The following KCNK9 variants were observed in gnomAD, a reference collection of about 807,000 sequenced individuals.
The protein encoded by KCNK9 is potassium two pore domain channel subfamily K member 9.
A neutral mutation model predicts 10.8 loss-of-function variants in KCNK9; 1 was observed. The observed-to-expected ratio is 0.09, with a 90% CI of 0.03 to 0.44. The LOEUF (loss-of-function observed/expected upper bound fraction) is 0.44. Ranked by LOEUF, KCNK9 falls within the 20% of genes least tolerant of loss-of-function variation. KCNK9 has a pLI of 0.97. For synonymous variants in KCNK9, 231 were observed against 222.7 expected, an observed-to-expected ratio of 1.04 and a Z score of -0.33; for missense variants, 303 against 515.0, an observed-to-expected ratio of 0.59 and a Z score of 3.98.
intron 1 of KCNK9, among the ~76,000 whole-genome samples, chr8:139,680,608 T>G (rs942986509): frequency 1.2e-4 from 18 of 152,140 alleles, no homozygotes; most frequent in Non-Finnish European, 2.4e-4. Flanking sequence ...ACCACCCACA[T>G]GGCCGAGTGA....
At chr8:139,642,311 G>A (rs1815527476) in intron 1 of KCNK9, among the ~76,000 whole-genome samples, 1 of 152,202 alleles carries the variant, frequency 6.6e-6, no homozygotes, top group South Asian at 2.1e-4. Context: ...GCTGGGACCA[G>A]AGGTCGTTGC....
chr8:139,687,279 T>C (rs150479906), intron 1 of KCNK9, among the ~76,000 whole-genome samples: 63 of 151,208 alleles, frequency 4.2e-4, no homozygotes, highest in African/African-American at 1.5e-3. Flanking sequence ...GACAGGAGGC[T>C]TCTACTTCTA....
At chr8:139,649,008 C>T (rs1815774682) in intron 1 of KCNK9, among the ~76,000 whole-genome samples, 1 of 152,220 alleles carries the variant, frequency 6.6e-6, no homozygotes, top group Non-Finnish European at 1.5e-5. Flanking sequence ...TTTCTATGAA[C>T]ACTCTTTCAA....
At chr8:139,697,232 T>G (rs1817082301) in intron 1 of KCNK9, among the ~76,000 whole-genome samples, 1 of 143,286 alleles carries the variant, frequency 7.0e-6, no homozygotes, top group Admixed American at 6.9e-5. Context: ...GATGGGTGAG[T>G]GGGTAGGTGG....
chr8:139,614,148 G>A (rs2471093), downstream of KCNK9, among the ~76,000 whole-genome samples: 23,837 of 152,138 alleles, frequency 0.16, 2,665 homozygotes, highest in East Asian at 0.59. Flanking sequence ...GTGATTGTCA[G>A]TGAGAATCAG....
At chr8:139,631,467 G>A (rs755980021) in intron 1 of KCNK9, among the ~76,000 whole-genome samples, 31 of 152,184 alleles carry the variant, frequency 2.0e-4, no homozygotes, top group Non-Finnish European at 4.3e-4. Context: ...GCCTGATGTG[G>A]TCTTCAGCCT....
At chr8:139,624,913 T>C (rs1814917270) in intron 1 of KCNK9, among the ~76,000 whole-genome samples, 1 of 152,226 alleles carries the variant, frequency 6.6e-6, no homozygotes, top group Non-Finnish European at 1.5e-5. Flanking sequence ...GACTCTGTCC[T>C]GGGCACTGTG....
chr8:139,656,498 G>A (rs1265417853), intron 1 of KCNK9, among the ~76,000 whole-genome samples: 12 of 152,180 alleles, frequency 7.9e-5, no homozygotes. Flanking sequence ...TCTGCAGACA[G>A]GACCCGCCAG....
At chr8:139,701,248 G>A (rs567389816) in intron 1 of KCNK9, among the ~76,000 whole-genome samples, 11 of 152,312 alleles carry the variant, frequency 7.2e-5, no homozygotes, top group South Asian at 2.1e-4. Context: ...GGCAAAGGGC[G>A]TGGGGCAAGC....
At position 139,703,000 on chromosome 8, in the gene KCNK9, A is replaced by G. The variant is rs1156610379; in HGVS notation, c.-8T>C. 1.3e-6 allele frequency: 2 copies of G among 1,559,214 alleles called. No homozygotes were observed. Among genetic ancestry groups the G allele is most frequent in the Admixed American group, 1.9e-5 (1 of 52,360 alleles). On this transcript the variant is annotated 5_prime_UTR_variant, in exon 1 of 2. Transcript: ENST00000520439. The surrounding 1 kb of genome is among the most constrained non-coding windows in gnomAD (Gnocchi z 7.5). ...CACGTTCTGCCTCTTCATGGCCGCC[A>G]GCAAGGAGCCGGCGCGGGGGGCATG... is the stretch of plus-strand genomic sequence containing the variant.
intron 1 of KCNK9, among the ~76,000 whole-genome samples, chr8:139,620,886 AAAG>A (rs1814756650): frequency 6.6e-6 from 1 of 152,232 alleles, no homozygotes. Flanking sequence ...AGAGAGGAAT[AAAG>A]AAGATTGAAA....
At chr8:139,700,212 G>A (rs544507925) in intron 1 of KCNK9, among the ~76,000 whole-genome samples, 86 of 152,296 alleles carry the variant, frequency 5.6e-4, no homozygotes, top group African/African-American at 1.9e-3. Flanking sequence ...CGTGGATTCC[G>A]TTCCTACTAA....
intron 1 of KCNK9, among the ~76,000 whole-genome samples, chr8:139,624,910 T>A (rs923715930): frequency 3.3e-5 from 5 of 152,198 alleles, no homozygotes; most frequent in Non-Finnish European, 7.3e-5. Context: ...GCTGACTCTG[T>A]CCTGGGCACT....
chr8:139,698,072 G>A (rs549581751), intron 1 of KCNK9, among the ~76,000 whole-genome samples: 7 of 152,320 alleles, frequency 4.6e-5, no homozygotes, highest in African/African-American at 7.2e-5. Context: ...AAGGAAAAAC[G>A]CGATGGACTA....
intron 2 of KCNK9, among the ~76,000 whole-genome samples, chr8:139,606,098 A>G (rs1817481025): frequency 6.6e-6 from 1 of 152,190 alleles, no homozygotes; most frequent in Admixed American, 6.5e-5. Context: ...TTCCTACCAA[A>G]GGCCTGACAC....
chr8:139,697,165 T>C (rs1321905287), intron 1 of KCNK9, among the ~76,000 whole-genome samples: 1 of 143,938 alleles, frequency 6.9e-6, no homozygotes, highest in Admixed American at 7.1e-5. Flanking sequence ...TATGGGTAGA[T>C]GGGTGGGTGG....
chr8:139,698,162 G>A (rs1420330624), intron 1 of KCNK9, among the ~76,000 whole-genome samples: 1 of 152,212 alleles, frequency 6.6e-6, no homozygotes, highest in African/African-American at 2.4e-5. Flanking sequence ...GCATGACAGA[G>A]TTCAAGGCCC....
chr8:139,648,957 T>TACAAAGG (rs1815773050), intron 1 of KCNK9, among the ~76,000 whole-genome samples: 1 of 152,246 alleles, frequency 6.6e-6, no homozygotes. Context: ...AGAAAGCCAC[T>TACAAAGG]GGACGCCTAA....
At chr8:139,615,607 TGAAA>T (rs1209976537), downstream of KCNK9, among the ~76,000 whole-genome samples, 1 of 152,052 alleles carries the variant, frequency 6.6e-6, no homozygotes, top group Non-Finnish European at 1.5e-5. Context: ...TGTTTAACTT[TGAAA>T]GACTCAGTGA....
Sources: gnomAD v4.1 joint callset for allele counts (sites outside exome capture counted in the v4.1 genomes callset) on GRCh38, gnomAD v4.1.1 for gene constraint, Gnocchi (gnomAD v3.1) non-coding constraint, MANE v1.5 for transcripts, NCBI Gene and HGNC (gene_info 2026-07-23, HGNC 2026-07-21) for gene names.